XPO4: variants seen among roughly 807,000 people sequenced by gnomAD.
XPO4 encodes the protein exportin 4.
Under a neutral mutation model 143.0 loss-of-function variants are expected in XPO4, and 39 were observed. The observed-to-expected ratio is 0.27, with a 90% confidence interval of 0.21 to 0.36. The LOEUF (loss-of-function observed/expected upper bound fraction) is 0.36, where lower values mean the gene tolerates loss of function less well. Among genes scored for constraint, XPO4 ranks in the 10% least tolerant of loss-of-function variants. The pLI is 1.00. For missense variants in XPO4, 907 were observed against 1,348.0 expected, an observed-to-expected ratio of 0.67 and a Z score of 5.12; for synonymous variants, 439 against 474.0, an observed-to-expected ratio of 0.93 and a Z score of 0.96.
At chr13:20,818,907 G>A (rs768672268) in intron 9 of XPO4, among the ~76,000 whole-genome samples, 7 of 150,308 alleles carry the variant, frequency 4.7e-5, no homozygotes, top group South Asian at 2.3e-4. Flanking sequence ...TGCAACCTCC[G>A]CCTCTCGGGT....
chr13:20,866,581 A>C (rs2060247338), intron 2 of XPO4, among the ~76,000 whole-genome samples: 1 of 152,190 alleles, frequency 6.6e-6, no homozygotes. Context: ...ATTTTCTGTG[A>C]AGTTTAGATG....
intron 19 of XPO4, among the ~76,000 whole-genome samples, 192 bp downstream of exon 19, chr13:20,790,270 A>C (rs2059263357): frequency 6.6e-6 from 1 of 152,216 alleles, no homozygotes; most frequent in South Asian, 2.1e-4. Context: ...GGGCAGAAAC[A>C]GAGACTAAGT....
intron 4 of XPO4, among the ~76,000 whole-genome samples, chr13:20,846,363 G>A (rs2060029068): frequency 6.6e-6 from 1 of 152,162 alleles, no homozygotes; most frequent in African/African-American, 2.4e-5. Context: ...AAGGAGAGGG[G>A]CAGGGCAACG....
intron 13 of XPO4, among the ~76,000 whole-genome samples, chr13:20,806,843 G>A (rs1370389243): frequency 1.3e-5 from 2 of 151,924 alleles, no homozygotes; most frequent in African/African-American, 4.8e-5. Flanking sequence ...GAGCCACTGC[G>A]CCTGGCCGGA....
At chr13:20,883,610 A>T (rs1206476520) in intron 1 of XPO4, among the ~76,000 whole-genome samples, 1 of 152,234 alleles carries the variant, frequency 6.6e-6, no homozygotes, top group African/African-American at 2.4e-5. Flanking sequence ...CAGGGATTAG[A>T]GTATAATGAA....
chr13:20,876,447 T>C (rs1248510582), intron 1 of XPO4, among the ~76,000 whole-genome samples: 2 of 151,970 alleles, frequency 1.3e-5, no homozygotes, highest in African/African-American at 4.8e-5. Context: ...ATAGACTGTA[T>C]AGTCTGTTTA....
At chr13:20,820,698 G>A (rs1463062626) in intron 9 of XPO4, among the ~76,000 whole-genome samples, 4 of 151,986 alleles carry the variant, frequency 2.6e-5, no homozygotes, top group South Asian at 2.1e-4. Context: ...TTTCTCTACC[G>A]TATAAACACT....
chr13:20,808,934 C>A, intron 11 of XPO4, 149 bp downstream of exon 11: 2 of 901,428 alleles, frequency 2.2e-6, no homozygotes, highest in Admixed American at 2.6e-5. Flanking sequence ...AGCCAAGGAA[C>A]GCAATCATGA....
intron 6 of XPO4, among the ~76,000 whole-genome samples, chr13:20,835,596 G>C (rs34160911): frequency 0.057 from 8,716 of 152,188 alleles, 629 homozygotes; most frequent in African/African-American, 0.17. Flanking sequence ...CAATAAACAG[G>C]TTCATCTAAG....
intron 1 of XPO4, among the ~76,000 whole-genome samples, chr13:20,891,311 T>A (rs1334029108): frequency 6.6e-6 from 1 of 151,976 alleles, no homozygotes; most frequent in East Asian, 1.9e-4. Context: ...GCACAGAAAG[T>A]TCTATCAGCT....
At chr13:20,886,036 C>T (rs1348740154) in intron 1 of XPO4, among the ~76,000 whole-genome samples, 1 of 152,170 alleles carries the variant, frequency 6.6e-6, no homozygotes, top group African/African-American at 2.4e-5. Flanking sequence ...ATGTAACTCT[C>T]AGTAACTGTT....
intron 18 of XPO4, among the ~76,000 whole-genome samples, chr13:20,792,230 G>A (rs1025396356): frequency 3.3e-5 from 5 of 152,130 alleles, no homozygotes; most frequent in African/African-American, 1.2e-4. Flanking sequence ...CAGATCCCCT[G>A]AGGCCAGGAG....
In XPO4 at chr13:20,797,576, TATG is replaced by T. The variant is rs1249191774; in HGVS notation, c.2323-522_2323-520del. Among the ~76,000 whole-genome samples the T allele has an allele frequency of 5.9e-5, 9 of 152,320 alleles. 1 individual carries two copies. Among genetic ancestry groups the T allele is most frequent in the African/African-American group, 1.7e-4 (7 of 41,570 alleles). On this transcript the variant is annotated intron_variant, in intron 16 of 22. Coordinates refer to ENST00000255305, the MANE Select transcript of XPO4 (RefSeq NM_022459.5). ...TCTTAATTCGACTTTAAGTTGTCCATATGATAATACAATTGTTTAAAATAAAAA... is the reference window on the plus strand; with the variant it reads ...TCTTAATTCGACTTTAAGTTGTCCATATAATACAATTGTTTAAAATAAAAA...
chr13:20,826,971 G>A, intron 7 of XPO4, 96 bp downstream of exon 7: 2 of 795,942 alleles, frequency 2.5e-6, no homozygotes, highest in Non-Finnish European at 4.3e-6. Flanking sequence ...GACTTTAGGG[G>A]AGAAAAGCAA....
intron 1 of XPO4, among the ~76,000 whole-genome samples, chr13:20,872,493 G>A (rs938740687): frequency 6.6e-6 from 1 of 152,150 alleles, no homozygotes; most frequent in African/African-American, 2.4e-5. Context: ...AAAGAGAGAG[G>A]CATTTAATAG....
At chr13:20,790,424 C>A in intron 19 of XPO4, 38 bp downstream of exon 19, 1 of 1,470,790 alleles carries the variant, frequency 6.8e-7, no homozygotes, top group Non-Finnish European at 9.5e-7. Context: ...ACTTCAGTTA[C>A]ACATAGTGGT....
intron 1 of XPO4, among the ~76,000 whole-genome samples, chr13:20,870,980 G>C (rs1392586515): frequency 2.6e-5 from 4 of 152,012 alleles, no homozygotes; most frequent in Middle Eastern, 3.4e-3. Flanking sequence ...GCTAATTTTT[G>C]TATTTTTTGT....
At chr13:20,841,180 T>C (rs1345153093) in intron 6 of XPO4, among the ~76,000 whole-genome samples, 1 of 152,212 alleles carries the variant, frequency 6.6e-6, no homozygotes, top group African/African-American at 2.4e-5. Context: ...TAGCTCCATA[T>C]GGACTGCTAA....
rs1333852598 is a variant in XPO4 at position 20,778,821 on chromosome 13, TAA to T, written c.*4899_*4900del. On this transcript the variant is annotated 3_prime_UTR_variant, in exon 23 of 23. Transcript: ENST00000255305. Reference sequence around the variant, plus strand: ...ACTAGCACCATTTCAATGCATTTCATAAAAGAGTCTAGCTAAATACCCATGAA... The same window carrying T: ...ACTAGCACCATTTCAATGCATTTCATAAGAGTCTAGCTAAATACCCATGAA... 2.0e-5 allele frequency: 3 copies of T among 152,176 alleles called. No homozygotes were observed. Among genetic ancestry groups the T allele is most frequent in the African/African-American group, 4.8e-5 (2 of 41,452 alleles). The allele number at this position is 152,176 out of a possible 1,614,324, so 9.4% of individuals were successfully genotyped here.
Sources: gnomAD v4.1 joint callset for allele counts (sites outside exome capture counted in the v4.1 genomes callset) on GRCh38, gnomAD v4.1.1 for gene constraint, MANE v1.5 for transcripts, NCBI Gene and HGNC (gene_info 2026-07-23, HGNC 2026-07-21) for gene names.